The following NUP155 variants were observed in gnomAD, a reference collection of about 807,000 sequenced individuals.
NUP155 encodes the protein nuclear pore complex protein Nup155.
NUP155 carries 71 observed loss-of-function variants against 180.4 expected under a neutral mutation model. The observed-to-expected ratio is 0.39, with a 90% confidence interval of 0.33 to 0.48. The LOEUF (loss-of-function observed/expected upper bound fraction) is 0.48. Among genes scored for constraint, NUP155 ranks in the 20% least tolerant of loss-of-function variants. The pLI, the probability that NUP155 is intolerant of heterozygous loss-of-function variation, is 0.91. For missense variants in NUP155, 1,553 were observed against 1,648.9 expected (o/e 0.94, Z 1.01); for synonymous variants, 582 against 559.5 (o/e 1.04, Z -0.57).
chr5:37,334,280 T>C (rs1255680906), intron 12 of NUP155, among the ~76,000 whole-genome samples: 1 of 152,050 alleles, frequency 6.6e-6, no homozygotes, highest in East Asian at 1.9e-4. Context: ...TTTTTCTATG[T>C]TTTGTATGAA....
At chr5:37,359,090 G>A (rs1747036062) in intron 3 of NUP155, among the ~76,000 whole-genome samples, 1 of 151,458 alleles carries the variant, frequency 6.6e-6, no homozygotes. Context: ...AGGAGCCCAG[G>A]AGAGTTCAAG....
intron 9 of NUP155, among the ~76,000 whole-genome samples, chr5:37,344,345 GAAAA>G (rs537055020): frequency 1.8e-5 from 1 of 54,132 alleles, no homozygotes; most frequent in Non-Finnish European, 3.9e-5. Context: ...CTGTCTCAAA[GAAAA>G]AAAAAAAAAA....
intron 32 of NUP155, among the ~76,000 whole-genome samples, chr5:37,296,637 T>C (rs1742594965): frequency 6.6e-6 from 1 of 151,814 alleles, no homozygotes. Flanking sequence ...ACTATTGTCC[T>C]GTGACCCTGC....
chr5:37,337,840 TGGAAA>T lies in NUP155; in HGVS notation c.1320_1324del (p.Phe441LysfsTer13). On this transcript the variant is annotated frameshift_variant, in exon 12 of 35. Transcript: ENST00000231498. LOFTEE classifies it high-confidence loss of function. ...TACCTGGGTTTCCATCATTGGCTTTTGGAAAGGAAAAGTATCATGGTTGACACACC... is the reference window on the plus strand; with the variant it reads ...TACCTGGGTTTCCATCATTGGCTTTTGGAAAAGTATCATGGTTGACACACC... 6.2e-7 allele frequency: 1 copy of T among 1,610,746 alleles called. No homozygotes were observed. The highest frequency in any genetic ancestry group is 8.5e-7 in the Non-Finnish European group (1 of 1,177,290).
At position 37,307,367 on chromosome 5, in the gene NUP155, G is replaced by A. The variant is rs761232757; in HGVS notation, c.2833C>T (p.Leu945Phe). 2 of 1,613,848 alleles carry A rather than the reference G, an allele frequency of 1.2e-6. No individual in the cohort carries two copies. The highest frequency in any genetic ancestry group is 2.2e-5 in the South Asian group (2 of 91,076). Residue 945 changes from leucine (L) to phenylalanine (F), a missense_variant, in exon 25 of 35, where the codon CTT becomes TTT. Leu to Phe is a conservative substitution (Grantham distance 22). Coordinates refer to ENST00000231498, the MANE Select transcript of NUP155 (RefSeq NM_153485.3). ...CCATGTTTATAGAAATGAAGCCCAA[G>A]ACCTTGAGGATCTTTTTTCTCTGCA... ...TAAEKKDPQG[L>F]GLHFYKHGEP...
chr5:37,342,868 C>G (rs527942974), intron 9 of NUP155, among the ~76,000 whole-genome samples: 2 of 152,178 alleles, frequency 1.3e-5, no homozygotes, highest in Non-Finnish European at 2.9e-5. Context: ...TCCTGAGTAG[C>G]TGGGATTACG....
Position 37,363,901 on chromosome 5 carries a change from T to C in NUP155, c.379A>G (p.Asn127Asp). The C allele has an allele frequency of 6.2e-7, 1 of 1,611,806 alleles. No individual in the cohort carries two copies. The highest frequency in any genetic ancestry group is 2.2e-5 in the East Asian group (1 of 44,864). The change falls in exon 3 of 35, where the codon AAC becomes GAC. Residue 127 changes from asparagine to aspartate, a missense_variant. By Grantham distance (23) the Asn-to-Asp change is conservative. Transcript: ENST00000231498. Reference sequence around the variant, plus strand: ...TTAAATACATACCCATCCTCATAGTTCCACATGAATATATCACTGTCAATT... The same window carrying C: ...TTAAATACATACCCATCCTCATAGTCCCACATGAATATATCACTGTCAATT... ...LTIDSDIFMW[N>D]YEDGGDLAYF... is the part of the protein sequence containing the mutation.
At chr5:37,317,464 GGAAACAAGAGT>G (rs1743966477) in intron 21 of NUP155, among the ~76,000 whole-genome samples, 1 of 151,160 alleles carries the variant, frequency 6.6e-6, no homozygotes, top group Non-Finnish European at 1.5e-5. Context: ...CTCCAGCCTG[GGAAACAAGAGT>G]GAAACTCTGT....
In NUP155 at chr5:37,341,217, A is replaced by G. The variant is rs780357112; in HGVS notation, c.1119T>C (p.Cys373=). Residue 373 remains cysteine (C), a synonymous_variant, in exon 11 of 35, where the codon TGT becomes TGC. Transcript: ENST00000231498. The part of the protein sequence containing the change: ...HAGVRLYFST[C]PFRQPLARPN... ...GCCGTGCTAATGGCTGTCTGAATGG[A>G]CAAGTGCTAAAATATAACCTAACAC... The G allele has an allele frequency of 3.1e-6, 5 of 1,613,980 alleles. No homozygotes were observed. The highest frequency in any genetic ancestry group is 4.2e-6 in the Non-Finnish European group (5 of 1,179,938).
At chr5:37,352,672 A>T in intron 5 of NUP155, 65 bp downstream of exon 5, 1 of 1,011,386 alleles carries the variant, frequency 9.9e-7, no homozygotes, top group Non-Finnish European at 1.6e-6. Flanking sequence ...ATTAGCTTTT[A>T]ACTGTAATAT....
At chr5:37,328,752 G>A (rs1354940962) in intron 16 of NUP155, among the ~76,000 whole-genome samples, 3 of 152,168 alleles carry the variant, frequency 2.0e-5, no homozygotes, top group East Asian at 1.9e-4. Context: ...TGATCTGCCC[G>A]CCTCGGCCTC....
chr5:37,288,768 AGT>A lies in NUP155; in HGVS notation c.*3130_*3131del, dbSNP rs1742120121. On this transcript the variant is annotated 3_prime_UTR_variant, in exon 35 of 35. Transcript: ENST00000231498. ...AAATTAAAAAAAAAAAAAAAAAAAA[AGT>A]AGGGGGGGTGGGGCTAGGCGCAGTG... 1 of 19,644 alleles carries A rather than the reference AGT, an allele frequency of 5.1e-5. No homozygotes were observed. Among genetic ancestry groups the A allele is most frequent in the Non-Finnish European group, 1.6e-4 (1 of 6,126 alleles). The allele number at this position is 19,644 out of a possible 1,614,324, so 1.2% of individuals were successfully genotyped here.
At position 37,352,724 on chromosome 5, in the gene NUP155, T is replaced by C; in HGVS notation, c.556+13A>G. ...TATTATTTTAAAAAACGTTAACATGTGGGTTGCCATACCTGTTTGCAAATT... is the reference window on the plus strand; with the variant it reads ...TATTATTTTAAAAAACGTTAACATGCGGGTTGCCATACCTGTTTGCAAATT... On this transcript the variant is annotated intron_variant, in intron 5 of 34. Coordinates refer to ENST00000231498, the MANE Select transcript of NUP155 (RefSeq NM_153485.3). The C allele has an allele frequency of 6.4e-7, 1 of 1,571,462 alleles. No individual in the cohort carries two copies. Among genetic ancestry groups the C allele is most frequent in the Non-Finnish European group, 8.8e-7 (1 of 1,141,436 alleles).
chr5:37,304,398 G>A (rs1254058493), intron 27 of NUP155, among the ~76,000 whole-genome samples: 5 of 151,938 alleles, frequency 3.3e-5, no homozygotes, highest in African/African-American at 7.2e-5. Context: ...TAAACAGATT[G>A]AGGAACACTG....
rs1422713934 is a variant in NUP155, at chr5:37,337,809, A to G, written c.1347+9T>C. ...TAATAGTTTTTTCAGAATTGTCAGG[A>G]TAACTTACCTGGGTTTCCATCATTG... On this transcript the variant is annotated intron_variant, in intron 12 of 34. Transcript: ENST00000231498. The G allele has an allele frequency of 7.7e-6, 12 of 1,550,934 alleles. No individual in the cohort carries two copies. Among genetic ancestry groups the G allele is most frequent in the Non-Finnish European group, 9.8e-6 (11 of 1,123,134 alleles).
In NUP155 at chr5:37,314,193, A is replaced by T. The variant is rs748913002; in HGVS notation, c.2436+5T>A. 5 of 1,600,248 alleles carry T rather than the reference A, an allele frequency of 3.1e-6. No individual in the cohort carries two copies. Among genetic ancestry groups the T allele is most frequent in the Non-Finnish European group, 3.4e-6 (4 of 1,169,102 alleles). On this transcript the variant is annotated splice_donor_5th_base_variant and intron_variant, in intron 22 of 34. Transcript: ENST00000231498. ...GTATAATCATAAAAAAATAAAAAAAATTACCTTCTGAAGTTCTGCCACAAT... is the reference window on the plus strand; with the variant it reads ...GTATAATCATAAAAAAATAAAAAAATTTACCTTCTGAAGTTCTGCCACAAT...
chr5:37,366,344 CAATA>C (rs1344803518), intron 1 of NUP155, among the ~76,000 whole-genome samples: 1 of 152,166 alleles, frequency 6.6e-6, no homozygotes, highest in African/African-American at 2.4e-5. Flanking sequence ...AAGAAAAATA[CAATA>C]AATACCCATG....
intron 10 of NUP155, 42 bp from the exon 11 acceptor site, chr5:37,341,284 G>A (rs757438952): frequency 1.7e-5 from 26 of 1,547,392 alleles, no homozygotes; most frequent in Non-Finnish European, 2.3e-5. Context: ...TAGAAAACAA[G>A]GACCTGAGGT....
intron 22 of NUP155, among the ~76,000 whole-genome samples, chr5:37,311,547 T>G (rs1381230804): frequency 6.6e-6 from 1 of 152,126 alleles, no homozygotes; most frequent in East Asian, 1.9e-4. Flanking sequence ...CACTATTCAT[T>G]GGACACTAGT....
Sources: gnomAD v4.1 joint callset for allele counts (sites outside exome capture counted in the v4.1 genomes callset) on GRCh38, gnomAD v4.1.1 for gene constraint, MANE v1.5 for transcripts, NCBI Gene and HGNC (gene_info 2026-07-23, HGNC 2026-07-21) for gene names.